The following GALNT10 variants were observed in gnomAD, a reference collection of about 807,000 sequenced individuals.
GALNT10 encodes the protein polypeptide N-acetylgalactosaminyltransferase 10.
Under a neutral mutation model 75.0 loss-of-function variants are expected in GALNT10, and 41 were observed. The ratio of observed to expected loss-of-function variants is 0.55; its 90% confidence interval spans 0.43 to 0.71. The LOEUF (loss-of-function observed/expected upper bound fraction) is 0.71, where lower values mean the gene tolerates loss of function less well. Ranked by LOEUF, GALNT10 falls within the 30% of genes least tolerant of loss-of-function variation. GALNT10 has a pLI of 0.00. For missense variants in GALNT10, 727 were observed against 818.5 expected (o/e 0.89, Z 1.36); for synonymous variants, 302 against 313.0 (o/e 0.96, Z 0.37).
chr5:154,260,366 T>C (rs1753683940), intron 1 of GALNT10, among the ~76,000 whole-genome samples: 1 of 152,162 alleles, frequency 6.6e-6, no homozygotes, highest in Admixed American at 6.5e-5. Context: ...GGAATGCTTC[T>C]TGCTGAGGAG....
chr5:154,244,200 C>T (rs543726638), intron 1 of GALNT10, among the ~76,000 whole-genome samples: 1 of 152,278 alleles, frequency 6.6e-6, no homozygotes, highest in African/African-American at 2.4e-5. Context: ...TGATGGATTA[C>T]GTAGTTAGAT....
chr5:154,381,239 G>A (rs1755730993), intron 6 of GALNT10, among the ~76,000 whole-genome samples: 1 of 152,206 alleles, frequency 6.6e-6, no homozygotes, highest in Non-Finnish European at 1.5e-5. Flanking sequence ...TGGACTCACA[G>A]CATCCTAGAA....
chr5:154,386,690 C>G (rs531387750), intron 7 of GALNT10: 2 of 577,108 alleles, frequency 3.5e-6, no homozygotes, highest in African/African-American at 3.8e-5. Context: ...TGCCTTGTGT[C>G]TTCTTAAGAT....
intron 1 of GALNT10, among the ~76,000 whole-genome samples, chr5:154,259,525 T>C (rs1024821380): frequency 6.6e-6 from 1 of 152,228 alleles, no homozygotes; most frequent in Non-Finnish European, 1.5e-5. Context: ...TTGCAGGAAC[T>C]ATTTCTTCAA....
chr5:154,297,775 G>A (rs917346715), intron 2 of GALNT10, among the ~76,000 whole-genome samples, 166 bp from the exon 3 acceptor site: 1 of 140,550 alleles, frequency 7.1e-6, no homozygotes, highest in Admixed American at 7.5e-5. Context: ...CTGAATAAAT[G>A]CTTGCTCCCC....
intron 3 of GALNT10, among the ~76,000 whole-genome samples, chr5:154,302,710 CA>C (rs1180095987): frequency 7.2e-5 from 11 of 152,334 alleles, no homozygotes; most frequent in African/African-American, 2.4e-4. Context: ...TGTGTTGCAA[CA>C]AAAGGCCCAA....
chr5:154,372,823 G>A (rs959444664), intron 4 of GALNT10, among the ~76,000 whole-genome samples: 1 of 152,174 alleles, frequency 6.6e-6, no homozygotes, highest in African/African-American at 2.4e-5. Context: ...GGGGGTATGG[G>A]TGGGGCACCA....
At chr5:154,234,564 A>G (rs1387520238) in intron 1 of GALNT10, among the ~76,000 whole-genome samples, 1 of 152,258 alleles carries the variant, frequency 6.6e-6, no homozygotes, top group Non-Finnish European at 1.5e-5. Context: ...TATGAAATAG[A>G]TATGATTACC....
At chr5:154,216,955 AAAT>A (rs770387551) in intron 1 of GALNT10, among the ~76,000 whole-genome samples, 11 of 152,136 alleles carry the variant, frequency 7.2e-5, no homozygotes, top group Non-Finnish European at 8.8e-5. Flanking sequence ...CCAGTGTGAG[AAAT>A]GCTTCCCTCT....
intron 7 of GALNT10, 131 bp from the exon 8 acceptor site, chr5:154,403,973 G>A (rs1756219799): frequency 5.3e-6 from 4 of 760,126 alleles, no homozygotes; most frequent in South Asian, 1.4e-5. Context: ...CATGTCATTA[G>A]GTCTGTGATC....
At chr5:154,238,040 G>A (rs1031050486) in intron 1 of GALNT10, among the ~76,000 whole-genome samples, 7 of 152,210 alleles carry the variant, frequency 4.6e-5, no homozygotes, top group East Asian at 1.9e-4. Context: ...CTGCATACCC[G>A]GCACAGTGTT....
chr5:154,395,325 G>T (rs551697527), intron 7 of GALNT10, among the ~76,000 whole-genome samples: 8 of 152,208 alleles, frequency 5.3e-5, no homozygotes, highest in African/African-American at 1.9e-4. Flanking sequence ...AAACTGCCTG[G>T]GTTCTAGTGC....
At chr5:154,248,833 G>T (rs1011134879) in intron 1 of GALNT10, among the ~76,000 whole-genome samples, 2 of 152,214 alleles carry the variant, frequency 1.3e-5, no homozygotes, top group Non-Finnish European at 2.9e-5. Context: ...GGGAATGAGG[G>T]CATTTTTCTT....
At chr5:154,397,794 T>C (rs1756079201) in intron 7 of GALNT10, among the ~76,000 whole-genome samples, 1 of 152,232 alleles carries the variant, frequency 6.6e-6, no homozygotes, top group African/African-American at 2.4e-5. Context: ...GTGCCATTCC[T>C]GGCTAGCTTC....
intron 3 of GALNT10, among the ~76,000 whole-genome samples, chr5:154,322,187 C>G (rs1754686056): frequency 6.6e-6 from 1 of 152,106 alleles, no homozygotes; most frequent in Non-Finnish European, 1.5e-5. Context: ...GGTTACCTTC[C>G]TTTCTGGGAG....
intron 4 of GALNT10, among the ~76,000 whole-genome samples, chr5:154,375,460 G>T (rs1755640592): frequency 6.6e-6 from 1 of 152,208 alleles, no homozygotes; most frequent in Non-Finnish European, 1.5e-5. Context: ...AATTTATCCA[G>T]ACTTGGGGCA....
At chr5:154,201,611 G>T (rs1775029325) in intron 1 of GALNT10, among the ~76,000 whole-genome samples, 1 of 152,016 alleles carries the variant, frequency 6.6e-6, no homozygotes. Flanking sequence ...AGCCATGTCA[G>T]GGGCTGCTCT....
chr5:154,299,343 T>C (rs2113080340), intron 3 of GALNT10, among the ~76,000 whole-genome samples: 1 of 152,346 alleles, frequency 6.6e-6, no homozygotes, highest in Non-Finnish European at 1.5e-5. Flanking sequence ...ATTTTAAGTA[T>C]ATTAACTCAG....
intron 4 of GALNT10, among the ~76,000 whole-genome samples, chr5:154,372,332 A>G (rs1755585810): frequency 6.6e-6 from 1 of 152,134 alleles, no homozygotes; most frequent in Non-Finnish European, 1.5e-5. Context: ...CGTGTTAGCC[A>G]TTGTTTGGAG....
Sources: gnomAD v4.1 joint callset for allele counts (sites outside exome capture counted in the v4.1 genomes callset) on GRCh38, gnomAD v4.1.1 for gene constraint, MANE v1.5 for transcripts, NCBI Gene and HGNC (gene_info 2026-07-23, HGNC 2026-07-21) for gene names.